COL16A1: variants seen among roughly 807,000 people sequenced by gnomAD.
COL16A1 encodes collagen type XVI alpha 1 chain, also known as collagen alpha-1(XVI) chain.
In COL16A1, 189 loss-of-function variants were observed where a neutral mutation model predicts 266.3. The observed-to-expected ratio is 0.71, with a 90% CI of 0.63 to 0.80. The LOEUF (loss-of-function observed/expected upper bound fraction) is 0.80. Ranked by LOEUF, COL16A1 falls within the 30% of genes least tolerant of loss-of-function variation. The pLI is 0.00. For synonymous variants in COL16A1, 740 were observed against 782.3 expected, an observed-to-expected ratio of 0.95 and a Z score of 0.90; for missense variants, 1,928 against 2,122.4, an observed-to-expected ratio of 0.91 and a Z score of 1.80.
rs1011357973 is a variant in COL16A1, at chr1:31,697,472, G to A, written c.658-172C>T. Among the ~76,000 whole-genome samples, 6 of 152,186 alleles carry A rather than the reference G, an allele frequency of 3.9e-5. No individual in the cohort carries two copies. Among genetic ancestry groups the A allele is most frequent in the Non-Finnish European group, 8.8e-5 (6 of 68,030 alleles). ...GTCACCAAAGGCAGAACAAAACTGCGCACACAGGAACGAGGGAGAGGAGGC... is the reference window on the plus strand; with the variant it reads ...GTCACCAAAGGCAGAACAAAACTGCACACACAGGAACGAGGGAGAGGAGGC... On this transcript the variant is annotated intron_variant, in intron 6 of 70. Transcript: ENST00000373672. This position sits in a 1 kb window ranked among gnomAD's most constrained non-coding sequence, Gnocchi z 4.2.
intron 12 of COL16A1, 105 bp from the exon 13 acceptor site, chr1:31,693,259 G>A (rs1181525121): frequency 8.0e-6 from 6 of 747,070 alleles, no homozygotes; most frequent in African/African-American, 1.8e-5. Context: ...CCCACACACG[G>A]GTACGCAAAT....
intron 44 of COL16A1, among the ~76,000 whole-genome samples, chr1:31,674,359 C>T (rs534974737): frequency 7.1e-4 from 108 of 152,302 alleles, no homozygotes; most frequent in African/African-American, 2.4e-3. Context: ...ACTGTGCTCT[C>T]GTTTCTAGAG....
intron 26 of COL16A1, among the ~76,000 whole-genome samples, chr1:31,687,650 G>A (rs923722922): frequency 4.0e-5 from 6 of 151,830 alleles, no homozygotes; most frequent in Admixed American, 3.9e-4. Context: ...CGTCAGGAGT[G>A]AAGGATCTGA....
rs1641141300 is a variant in COL16A1 at position 31,656,308 on chromosome 1, G to A, written c.4101+92C>T. 1 of 1,556,292 alleles carries A rather than the reference G, an allele frequency of 6.4e-7. No homozygotes were observed. The highest frequency in any genetic ancestry group is 1.2e-5 in the South Asian group (1 of 84,502). On this transcript the variant is annotated intron_variant, in intron 66 of 70. Transcript: ENST00000373672. The surrounding 1 kb of genome is among the most constrained non-coding windows in gnomAD (Gnocchi z 4.2). ...TTGCCCCCTGCCCACTGGCCTTCCT[G>A]TGTCTCCTCTCTGTGGCTAAAGCCG...
chr1:31,654,680 G>A, intron 68 of COL16A1, 112 bp downstream of exon 68: 10 of 1,584,062 alleles, frequency 6.3e-6, no homozygotes, highest in Non-Finnish European at 8.6e-6. Flanking sequence ...AGTGTGTGGA[G>A]GGTGAGAGCA....
At position 31,660,582 on chromosome 1, in the gene COL16A1, CACA is replaced by C. The variant is rs1641564850; in HGVS notation, c.3879_3879+2del. On this transcript the variant is annotated splice_donor_variant and coding_sequence_variant, in exon 62 of 71. Coordinates refer to ENST00000373672, the MANE Select transcript of COL16A1 (RefSeq NM_001856.4). LOFTEE classifies it high-confidence loss of function. ...AGACAGAGACAAAAGTGGTTCAACTCACAACGTGTCCCGGGGGACCGGGTCTTC... is the reference window on the plus strand; with the variant it reads ...AGACAGAGACAAAAGTGGTTCAACTCACGTGTCCCGGGGGACCGGGTCTTC... 1.2e-6 allele frequency: 2 copies of C among 1,614,120 alleles called. No homozygotes were observed. The highest frequency in any genetic ancestry group is 8.5e-7 in the Non-Finnish European group (1 of 1,179,974).
chr1:31,694,728 C>G (rs1180395843), intron 11 of COL16A1, among the ~76,000 whole-genome samples: 1 of 152,146 alleles, frequency 6.6e-6, no homozygotes, highest in South Asian at 2.1e-4. Flanking sequence ...CTTCTGGACC[C>G]CCATAGGAAG....
At position 31,657,811 on chromosome 1, in the gene COL16A1, C is replaced by T. The variant is rs772173579; in HGVS notation, c.4020+677G>A. ...CCTGTTAGGGTTCACCTGTCTGGAA[C>T]TTTTGAGAGAGGTAGATTTGCAGAG... is the stretch of plus-strand genomic sequence containing the variant. On this transcript the variant is annotated intron_variant, in intron 64 of 70. Coordinates refer to ENST00000373672, the MANE Select transcript of COL16A1 (RefSeq NM_001856.4). The surrounding 1 kb of genome is among the most constrained non-coding windows in gnomAD (Gnocchi z 6.4). Among the ~76,000 whole-genome samples the T allele has an allele frequency of 2.0e-5, 3 of 152,232 alleles. No individual in the cohort carries two copies. The East Asian group carries it at 5.8e-4, about 29-fold the overall frequency.
chr1:31,656,893 C>T lies in COL16A1; in HGVS notation c.4056+140G>A, dbSNP rs751482428. On this transcript the variant is annotated intron_variant, in intron 65 of 70. Coordinates refer to ENST00000373672, the MANE Select transcript of COL16A1 (RefSeq NM_001856.4). This position sits in a 1 kb window ranked among gnomAD's most constrained non-coding sequence, Gnocchi z 4.2. Reference sequence around the variant, plus strand: ...GGCCTCAAGTCTCTAATTCCTCTCCCCAGGACAACAGGGTTAACAATTTCC... The same window carrying T: ...GGCCTCAAGTCTCTAATTCCTCTCCTCAGGACAACAGGGTTAACAATTTCC... 7.7e-5 allele frequency: 95 copies of T among 1,239,482 alleles called. No homozygotes were observed. Among genetic ancestry groups the T allele is most frequent in the Non-Finnish European group, 1.0e-4 (89 of 860,192 alleles). 76.8% of individuals were successfully genotyped at this position (1,239,482 alleles called of 1,614,324 possible).
chr1:31,686,981 C>T lies in COL16A1; in HGVS notation c.1804-702G>A, dbSNP rs114088866. Among the ~76,000 whole-genome samples, 969 of 152,240 alleles carry T rather than the reference C, an allele frequency of 6.4e-3. 8 individuals carry two copies. The highest frequency in any genetic ancestry group is 0.022 in the African/African-American group (900 of 41,540). On this transcript the variant is annotated intron_variant, in intron 26 of 70. Coordinates refer to ENST00000373672, the MANE Select transcript of COL16A1 (RefSeq NM_001856.4). ...CGGATGAATTTGGGAAGGATGGGGGCTGGGGCATCCGGGGTCCTGTGAGAT... is the reference window on the plus strand; with the variant it reads ...CGGATGAATTTGGGAAGGATGGGGGTTGGGGCATCCGGGGTCCTGTGAGAT...
intron 20 of COL16A1, 45 bp from the exon 21 acceptor site, chr1:31,690,618 C>A (rs777668718): frequency 6.2e-7 from 1 of 1,605,918 alleles, no homozygotes; most frequent in East Asian, 2.2e-5. Flanking sequence ...CTGGCCAATG[C>A]AATCTCGGTG....
chr1:31,697,391 A>T lies in COL16A1; in HGVS notation c.658-91T>A. 1 of 1,287,046 alleles carries T rather than the reference A, an allele frequency of 7.8e-7. No homozygotes were observed. Among genetic ancestry groups the T allele is most frequent in the Non-Finnish European group, 1.1e-6 (1 of 926,246 alleles). The allele number at this position is 1,287,046 out of a possible 1,614,324, so 79.7% of individuals were successfully genotyped here. On this transcript the variant is annotated intron_variant, in intron 6 of 70. Transcript: ENST00000373672. This position sits in a 1 kb window ranked among gnomAD's most constrained non-coding sequence, Gnocchi z 4.2. ...GGAGGCACAGAGATGTCTCTGCCCC[A>T]GGATGTGACCTCAGGGTGTTTCCAG...
intron 63 of COL16A1, 63 bp from the exon 64 acceptor site, chr1:31,658,640 G>T: frequency 1.4e-6 from 2 of 1,401,968 alleles, no homozygotes; most frequent in Non-Finnish European, 2.0e-6. Flanking sequence ...CTCCCATATA[G>T]CCAGAGACAG....
Position 31,690,245 on chromosome 1 carries a change from G to A in COL16A1, c.1509+122C>T, listed in dbSNP as rs186818076. 2.1e-4 allele frequency: 305 copies of A among 1,455,360 alleles called. 1 individual carries two copies. In the East Asian group the frequency reaches 6.8e-3, roughly 32 times the overall value. The allele number at this position is 1,455,360 out of a possible 1,614,324, so 90.2% of individuals were successfully genotyped here. A position where few individuals can be genotyped will look rare whatever the true frequency, so the allele number is the denominator to read the frequency against. On this transcript the variant is annotated intron_variant, in intron 22 of 70. Transcript: ENST00000373672. ...TGCACATGGACATCAGAGGAAGAAC[G>A]GGTGGGGGTCCCCTGAGGAAGGTCC...
chr1:31,692,686 G>A (rs773902914), intron 14 of COL16A1, 44 bp from the exon 15 acceptor site: 51 of 1,613,566 alleles, frequency 3.2e-5, no homozygotes, highest in Non-Finnish European at 1.3e-5. Flanking sequence ...AGGGTCACCT[G>A]ATGGGCTGCC....
intron 70 of COL16A1, among the ~76,000 whole-genome samples, chr1:31,653,138 T>C (rs1329479394): frequency 1.3e-5 from 2 of 152,236 alleles, no homozygotes; most frequent in Non-Finnish European, 2.9e-5. Context: ...TCTAATTTTG[T>C]AGATGAGGAC....
Position 31,656,168 on chromosome 1 carries a change from G to C in COL16A1, c.4101+232C>G. The C allele has an allele frequency of 1.5e-6, 1 of 655,192 alleles. No homozygotes were observed. The highest frequency in any genetic ancestry group is 2.6e-6 in the Non-Finnish European group (1 of 388,260). 40.6% of individuals were successfully genotyped at this position (655,192 alleles called of 1,614,324 possible). A position where few individuals can be genotyped will look rare whatever the true frequency, so the allele number is the denominator to read the frequency against. ...TGCTCGGGAAATGGAAACAATGAAT[G>C]AATCAATCAGTCAATCAGTGAGTAA... On this transcript the variant is annotated intron_variant, in intron 66 of 70. Coordinates refer to ENST00000373672, the MANE Select transcript of COL16A1 (RefSeq NM_001856.4). This position sits in a 1 kb window ranked among gnomAD's most constrained non-coding sequence, Gnocchi z 4.2.
In COL16A1 at chr1:31,685,574, C is replaced by A. The variant is rs919485091; in HGVS notation, c.2016+65G>T. 1.9e-6 allele frequency: 3 copies of A among 1,562,148 alleles called. No individual in the cohort carries two copies. Among genetic ancestry groups the A allele is most frequent in the Non-Finnish European group, 1.7e-6 (2 of 1,146,976 alleles). On this transcript the variant is annotated intron_variant, in intron 29 of 70. Coordinates refer to ENST00000373672, the MANE Select transcript of COL16A1 (RefSeq NM_001856.4). This position sits in a 1 kb window ranked among gnomAD's most constrained non-coding sequence, Gnocchi z 4.0. ...GGAGTCAAGAGACCCAGGCAGGACC[C>A]CTCCCCTCTCCTTAGCCCCGCCTGC...
chr1:31,678,167 G>A (rs1420655662), intron 42 of COL16A1, among the ~76,000 whole-genome samples: 2 of 152,164 alleles, frequency 1.3e-5, no homozygotes, highest in South Asian at 2.1e-4. Flanking sequence ...CCCAGCCCAC[G>A]GTGGCAGGGG....
Sources: allele counts gnomAD v4.1 joint callset (sites outside exome capture counted in the v4.1 genomes callset), GRCh38; gene constraint gnomAD v4.1.1; non-coding constraint Gnocchi (gnomAD v3.1); transcripts MANE v1.5; gene names NCBI Gene and HGNC (gene_info 2026-07-23, HGNC 2026-07-21).